The following DCLK1 variants were observed in gnomAD, a reference collection of about 807,000 sequenced individuals.
DCLK1 encodes doublecortin like kinase 1.
Under a neutral mutation model 86.2 loss-of-function variants are expected in DCLK1, and 16 were observed. That is an observed-to-expected ratio of 0.19 (90% CI 0.13 to 0.28). DCLK1 has a LOEUF of 0.28. DCLK1 is among the 10% of genes least tolerant of loss of function. The pLI is 1.00. For synonymous variants in DCLK1, 369 were observed against 370.5 expected (o/e 1.00, Z 0.05); for missense variants, 590 against 940.2 (o/e 0.63, Z 4.87).
At chr13:35,980,090 G>A (rs1220577620) in intron 3 of DCLK1, among the ~76,000 whole-genome samples, 1 of 152,082 alleles carries the variant, frequency 6.6e-6, no homozygotes, top group African/African-American at 2.4e-5. Flanking sequence ...TCACATTGTT[G>A]TCCAACCATC....
chr13:36,031,046 A>G (rs545436807), intron 3 of DCLK1, among the ~76,000 whole-genome samples: 1 of 152,182 alleles, frequency 6.6e-6, no homozygotes, highest in Non-Finnish European at 1.5e-5. Flanking sequence ...GACACAAAAC[A>G]GTCCTCACTC....
chr13:35,855,869 G>T, intron 5 of DCLK1: 1 of 1,128,808 alleles, frequency 8.9e-7, no homozygotes, highest in Non-Finnish European at 1.1e-6. Flanking sequence ...AGTGGCCCTG[G>T]GGGCAAGAGA....
intron 3 of DCLK1, among the ~76,000 whole-genome samples, chr13:36,101,417 T>A (rs970692078): frequency 6.6e-6 from 1 of 152,240 alleles, no homozygotes; most frequent in Non-Finnish European, 1.5e-5. Flanking sequence ...TGCCATCTGA[T>A]GTCAACATTG....
chr13:35,979,309 A>G (rs1438881792), intron 3 of DCLK1, among the ~76,000 whole-genome samples: 1 of 152,150 alleles, frequency 6.6e-6, no homozygotes, highest in Non-Finnish European at 1.5e-5. Flanking sequence ...GGGAAGGACT[A>G]ATCAATGAGG....
At position 36,007,538 on chromosome 13, in the gene DCLK1, G is replaced by A. The variant is rs538910758; in HGVS notation, c.724-60081C>T. On this transcript the variant is annotated intron_variant, in intron 3 of 16. Transcript: ENST00000360631. ...AGAGATGAATATTGCATGCTGGAAA[G>A]CTCTAAATAGTCTTAAAGAAGAGCA... 2.6e-5 allele frequency among the ~76,000 whole-genome samples: 4 copies of A among 152,272 alleles called. No individual in the cohort carries two copies. The East Asian group carries it at 5.8e-4, about 22-fold the overall frequency.
At chr13:35,788,677 C>T (rs925199544) in intron 16 of DCLK1, among the ~76,000 whole-genome samples, 5 of 152,186 alleles carry the variant, frequency 3.3e-5, no homozygotes, top group South Asian at 2.1e-4. Flanking sequence ...AGAGTATTAC[C>T]GCATAAGGCT....
intron 3 of DCLK1, among the ~76,000 whole-genome samples, chr13:35,989,111 A>G (rs557373477): frequency 6.6e-6 from 1 of 152,152 alleles, no homozygotes; most frequent in African/African-American, 2.4e-5. Flanking sequence ...AATCCATAAC[A>G]TATTCACTCT....
chr13:35,774,434 A>T lies in DCLK1; in HGVS notation c.*101T>A, dbSNP rs1161975020. On this transcript the variant is annotated 3_prime_UTR_variant, in exon 17 of 17. Coordinates refer to ENST00000360631, the MANE Select transcript of DCLK1 (RefSeq NM_001330071.2). ...TTTCAGTTCTGCCATTCAAGCATTG[A>T]GCGCTAGATAGATCAGATGAAACTG... is the stretch of plus-strand genomic sequence containing the variant. The T allele has an allele frequency of 2.2e-6, 3 of 1,350,386 alleles. No homozygotes were observed. The highest frequency in any genetic ancestry group is 3.0e-5 in the African/African-American group (2 of 67,740). 83.7% of individuals were successfully genotyped at this position (1,350,386 alleles called of 1,614,324 possible). A position where few individuals can be genotyped will look rare whatever the true frequency, so the allele number is the denominator to read the frequency against.
At chr13:35,884,872 A>T (rs10507436) in intron 4 of DCLK1, among the ~76,000 whole-genome samples, 34,129 of 152,070 alleles carry the variant, frequency 0.22, 4,976 homozygotes, top group African/African-American at 0.4. Flanking sequence ...CATAGTTTAG[A>T]TTATAATAGG....
At chr13:36,087,716 C>A (rs1380975435) in intron 3 of DCLK1, among the ~76,000 whole-genome samples, 1 of 152,014 alleles carries the variant, frequency 6.6e-6, no homozygotes, top group Non-Finnish European at 1.5e-5. Context: ...CCTCTCCACT[C>A]TCTTCTAACA....
At chr13:36,080,973 G>C (rs1377517957) in intron 3 of DCLK1, among the ~76,000 whole-genome samples, 1 of 152,082 alleles carries the variant, frequency 6.6e-6, no homozygotes, top group Non-Finnish European at 1.5e-5. Context: ...ATTCTGCCTT[G>C]CACAGGACAG....
chr13:36,088,011 T>C (rs767807776), intron 3 of DCLK1, among the ~76,000 whole-genome samples: 8 of 152,166 alleles, frequency 5.3e-5, no homozygotes, highest in Non-Finnish European at 1.0e-4. Flanking sequence ...TTTAAAACCA[T>C]GATGTGGGAA....
chr13:35,862,350 C>T (rs1871462606), intron 5 of DCLK1, among the ~76,000 whole-genome samples: 1 of 152,218 alleles, frequency 6.6e-6, no homozygotes, highest in African/African-American at 2.4e-5. Flanking sequence ...CTCTCTTCTT[C>T]TAGCCTCACA....
At chr13:35,827,368 C>A (rs1868560505) in intron 10 of DCLK1, among the ~76,000 whole-genome samples, 1 of 152,118 alleles carries the variant, frequency 6.6e-6, no homozygotes, top group African/African-American at 2.4e-5. Flanking sequence ...CACAATAACA[C>A]CATTAAGCAG....
intron 2 of DCLK1, among the ~76,000 whole-genome samples, chr13:36,118,911 AG>A (rs1237671043): frequency 6.6e-6 from 1 of 152,134 alleles, no homozygotes; most frequent in South Asian, 2.1e-4. Flanking sequence ...ACAGGGTTGA[AG>A]GGGCAAGGCA....
chr13:35,891,585 G>A (rs1048649834), intron 4 of DCLK1, among the ~76,000 whole-genome samples: 14 of 152,114 alleles, frequency 9.2e-5, no homozygotes, highest in African/African-American at 2.4e-4. Context: ...AAAAACCATC[G>A]AATCGTACAC....
rs532164686 is a variant in DCLK1, at chr13:35,952,949, A to G, written c.724-5492T>C. 1.2e-4 allele frequency among the ~76,000 whole-genome samples: 19 copies of G among 152,334 alleles called. No homozygotes were observed. The South Asian group carries it at 2.9e-3, about 23-fold the overall frequency. ...CTGGGTTCTGAGCCCATATTGGCCT[A>G]TAACTGTTGCATGAACTTGGATGAG... On this transcript the variant is annotated intron_variant, in intron 3 of 16. Transcript: ENST00000360631.
intron 11 of DCLK1, among the ~76,000 whole-genome samples, chr13:35,816,382 GT>G (rs2087266845): frequency 6.6e-6 from 1 of 151,978 alleles, no homozygotes; most frequent in Non-Finnish European, 1.5e-5. Context: ...TATCCTGAAT[GT>G]TTTTCCGAAG....
intron 11 of DCLK1, among the ~76,000 whole-genome samples, chr13:35,813,201 CCTGCTTTGATGTT>C (rs1313029819): frequency 6.6e-6 from 1 of 152,160 alleles, no homozygotes; most frequent in Non-Finnish European, 1.5e-5. Flanking sequence ...AAAATAATCT[CCTGCTTTGATGTT>C]CTGCTAGGTC....
Sources: allele counts gnomAD v4.1 joint callset (sites outside exome capture counted in the v4.1 genomes callset), GRCh38; gene constraint gnomAD v4.1.1; transcripts MANE v1.5; gene names NCBI Gene and HGNC (gene_info 2026-07-23, HGNC 2026-07-21).